MCTP2: variants seen among roughly 807,000 people sequenced by gnomAD.
The protein encoded by MCTP2 is multiple C2 and transmembrane domain-containing protein 2.
In MCTP2, 132 loss-of-function variants were observed where a neutral mutation model predicts 111.6. The ratio of observed to expected loss-of-function variants is 1.18; its 90% CI spans 1.03 to 1.37. MCTP2 has a LOEUF of 1.37. Among genes scored for constraint, MCTP2 ranks in the 40% most tolerant of loss-of-function variants. The pLI is 0.00. For synonymous variants in MCTP2, 395 were observed against 387.7 expected (o/e 1.02, Z -0.22); for missense variants, 1,183 against 1,067.9 (o/e 1.11, Z -1.50).
At chr15:94,380,335 C>T (rs1209858905) in intron 12 of MCTP2, among the ~76,000 whole-genome samples, 1 of 152,136 alleles carries the variant, frequency 6.6e-6, no homozygotes, top group East Asian at 1.9e-4. Flanking sequence ...AATGAGGAAT[C>T]TTTTCTTGGA....
chr15:94,269,446 G>C (rs1216293248), intron 1 of MCTP2, among the ~76,000 whole-genome samples: 1 of 152,148 alleles, frequency 6.6e-6, no homozygotes, highest in Admixed American at 6.5e-5. Flanking sequence ...GAGTAGATTT[G>C]TCTTTACAAC....
intron 4 of MCTP2, among the ~76,000 whole-genome samples, chr15:94,336,173 C>G (rs1394172214): frequency 3.3e-5 from 5 of 152,216 alleles, no homozygotes; most frequent in South Asian, 2.1e-4. Context: ...CCACACCGCT[C>G]TAGTCATTTT....
intron 17 of MCTP2, among the ~76,000 whole-genome samples, chr15:94,417,184 A>AC (rs1174513883): frequency 2.6e-5 from 4 of 152,144 alleles, no homozygotes; most frequent in African/African-American, 9.7e-5. Flanking sequence ...TTTTACCTGA[A>AC]CATCTGCCTC....
intron 4 of MCTP2, among the ~76,000 whole-genome samples, chr15:94,332,586 A>G (rs546764544): frequency 6.6e-6 from 1 of 152,346 alleles, no homozygotes; most frequent in South Asian, 2.1e-4. Context: ...TCTCCCAAAG[A>G]AAGTTATCAG....
intron 1 of MCTP2, among the ~76,000 whole-genome samples, chr15:94,243,344 T>C (rs1183063931): frequency 6.7e-6 from 1 of 148,212 alleles, no homozygotes; most frequent in East Asian, 2.0e-4. Flanking sequence ...TATGCGTATG[T>C]ACATACATAC....
chr15:94,467,336 C>A (rs905079798), intron 20 of MCTP2, among the ~76,000 whole-genome samples: 1 of 152,002 alleles, frequency 6.6e-6, no homozygotes, highest in Non-Finnish European at 1.5e-5. Flanking sequence ...ACTGTGTCTC[C>A]ACTTTAAAAA....
intron 4 of MCTP2, among the ~76,000 whole-genome samples, chr15:94,336,547 C>T (rs942700412): frequency 3.9e-5 from 6 of 151,934 alleles, no homozygotes; most frequent in African/African-American, 9.7e-5. Flanking sequence ...GATGCAACAT[C>T]GAGGCAGACA....
In MCTP2 at chr15:94,384,052, TAGGCAATGACCGACTTC is replaced by T; in HGVS notation, c.1616_1632del (p.Gly539AspfsTer11). 1.2e-6 allele frequency: 2 copies of T among 1,613,932 alleles called. No homozygotes were observed. The highest frequency in any genetic ancestry group is 1.7e-6 in the Non-Finnish European group (2 of 1,179,894). ...AGTGACCCATTTTGCTTGTTGGAGT[TAGGCAATGACCGACTTC>T]AGACGCATACCGTCTACAAAAACCT... is the stretch of plus-strand genomic sequence containing the variant. On this transcript the variant is annotated frameshift_variant, in exon 13 of 23. Transcript: ENST00000357742. LOFTEE classifies it high-confidence loss of function.
rs757837616 is a variant in MCTP2, at chr15:94,339,151, G to T, written c.638-139G>T. ...ACCCCAAATTCTTTCATATCTCCCT[G>T]TCTTCCATCTCCGAGCCCTTTAATC... On this transcript the variant is annotated intron_variant, in intron 4 of 22. Transcript: ENST00000357742. 1.1e-5 allele frequency: 6 copies of T among 552,912 alleles called. No homozygotes were observed. In the Admixed American group the frequency reaches 1.7e-4, roughly 16 times the overall value. 34.3% of individuals were successfully genotyped at this position (552,912 alleles called of 1,614,324 possible). A position where few individuals can be genotyped will look rare whatever the true frequency, so the allele number is the denominator to read the frequency against.
intron 7 of MCTP2, 69 bp from the exon 8 acceptor site, chr15:94,345,060 T>C (rs1299041614): frequency 3.9e-6 from 6 of 1,535,404 alleles, no homozygotes; most frequent in African/African-American, 2.7e-5. Flanking sequence ...TATAATTACA[T>C]TGATAATGAT....
intron 10 of MCTP2, among the ~76,000 whole-genome samples, chr15:94,363,074 G>A (rs1466441966): frequency 6.6e-6 from 1 of 152,192 alleles, no homozygotes; most frequent in Non-Finnish European, 1.5e-5. Flanking sequence ...GGAAGAAACA[G>A]AGGCTGCAAA....
At chr15:94,472,224 A>G (rs929575655) in intron 21 of MCTP2, among the ~76,000 whole-genome samples, 1 of 152,166 alleles carries the variant, frequency 6.6e-6, no homozygotes, top group Admixed American at 6.5e-5. Context: ...CCAAAAATAC[A>G]AAACTAAGCC....
At chr15:94,473,413 T>C (rs2074090771) in intron 21 of MCTP2, among the ~76,000 whole-genome samples, 1 of 152,210 alleles carries the variant, frequency 6.6e-6, no homozygotes, top group Non-Finnish European at 1.5e-5. Context: ...GAGTGTGATT[T>C]TTGAAAATTA....
chr15:94,297,530 C>G (rs1254261186), intron 1 of MCTP2, among the ~76,000 whole-genome samples: 2 of 152,026 alleles, frequency 1.3e-5, no homozygotes, highest in Admixed American at 1.3e-4. Flanking sequence ...AGATGGAATC[C>G]TAGTCGATAG....
chr15:94,421,759 A>C (rs1024630646), intron 17 of MCTP2, among the ~76,000 whole-genome samples: 2 of 152,092 alleles, frequency 1.3e-5, no homozygotes, highest in Non-Finnish European at 2.9e-5. Flanking sequence ...TGGGTCATCT[A>C]CCTATTTTAA....
rs554044900 is a variant in MCTP2 at position 94,355,883 on chromosome 15, G to C, written c.1006-254G>C. The C allele has an allele frequency of 9.6e-6, 10 of 1,037,154 alleles. No homozygotes were observed. The East Asian group carries it at 5.5e-4, about 57-fold the overall frequency. The allele number at this position is 1,037,154 out of a possible 1,614,324, so 64.2% of individuals were successfully genotyped here. A position where few individuals can be genotyped will look rare whatever the true frequency, so the allele number is the denominator to read the frequency against. ...CCCACCAAAGAGCGCATCTGGGTGG[G>C]AGTACCGGCCAGTGCCAAGTCAAAG... On this transcript the variant is annotated intron_variant, in intron 8 of 22. Coordinates refer to ENST00000357742, the MANE Select transcript of MCTP2 (RefSeq NM_001385001.1).
Position 94,440,684 on chromosome 15 carries a change from T to C in MCTP2, c.2208+386T>C, listed in dbSNP as rs113612332. Among the ~76,000 whole-genome samples the C allele has an allele frequency of 8.1e-3, 1,230 of 152,312 alleles. 11 individuals carry two copies. The highest frequency in any genetic ancestry group is 0.028 in the African/African-American group (1,168 of 41,566). ...GCAGAGAGCTCTGCAGGGCTAACTC[T>C]GGCCTTTCCATGAAGGCACCTTATG... On this transcript the variant is annotated intron_variant, in intron 18 of 22. Transcript: ENST00000357742.
chr15:94,378,243 C>T (rs2079888890), intron 12 of MCTP2, among the ~76,000 whole-genome samples: 1 of 151,894 alleles, frequency 6.6e-6, no homozygotes, highest in Non-Finnish European at 1.5e-5. Context: ...TATTTAGGGC[C>T]AAGCGCAGTG....
intron 10 of MCTP2, among the ~76,000 whole-genome samples, chr15:94,362,224 C>G (rs773627244): frequency 6.6e-6 from 1 of 152,106 alleles, no homozygotes; most frequent in African/African-American, 2.4e-5. Flanking sequence ...CTAAGTTTAA[C>G]CGGCTCCAAC....
Sources: gnomAD v4.1 joint callset for allele counts (sites outside exome capture counted in the v4.1 genomes callset) on GRCh38, gnomAD v4.1.1 for gene constraint, MANE v1.5 for transcripts, NCBI Gene and HGNC (gene_info 2026-07-23, HGNC 2026-07-21) for gene names.